The following SNX29 variants were observed in gnomAD, a reference collection of about 807,000 sequenced individuals.
SNX29 encodes sorting nexin 29.
Under a neutral mutation model 102.1 loss-of-function variants are expected in SNX29, and 78 were observed. The ratio of observed to expected loss-of-function variants is 0.76; its 90% CI spans 0.64 to 0.92. The LOEUF (loss-of-function observed/expected upper bound fraction) is 0.92, where lower values mean the gene tolerates loss of function less well. Ranked by LOEUF, SNX29 falls within the 40% of genes least tolerant of loss-of-function variation. The pLI is 0.00. For missense variants in SNX29, 1,280 were observed against 1,061.7 expected (o/e 1.21, Z -2.86); for synonymous variants, 580 against 414.5 (o/e 1.40, Z -4.85).
intron 15 of SNX29, among the ~76,000 whole-genome samples, chr16:12,320,614 A>G (rs997867299): frequency 6.6e-6 from 1 of 152,130 alleles, no homozygotes; most frequent in African/African-American, 2.4e-5. Flanking sequence ...TCCCTTCTAG[A>G]ATGTTCTGAA....
chr16:12,199,772 C>A (rs574291349), intron 14 of SNX29, 89 bp downstream of exon 14: 3 of 1,081,036 alleles, frequency 2.8e-6, no homozygotes, highest in Non-Finnish European at 4.1e-6. Context: ...CAATGTGTGA[C>A]GAGTGCATAT....
chr16:12,393,254 C>T (rs531487265), intron 16 of SNX29, among the ~76,000 whole-genome samples: 2 of 152,294 alleles, frequency 1.3e-5, no homozygotes, highest in Admixed American at 1.3e-4. Context: ...AAATAAGATT[C>T]TCTTTCTTTG....
intron 15 of SNX29, among the ~76,000 whole-genome samples, chr16:12,303,859 A>G (rs1445567672): frequency 6.6e-6 from 1 of 152,164 alleles, no homozygotes; most frequent in Non-Finnish European, 1.5e-5. Flanking sequence ...AGTCCTTGAG[A>G]ATGACGTGCA....
intron 18 of SNX29, chr16:12,443,183 T>G (rs1314444742): frequency 5.4e-6 from 2 of 368,304 alleles, no homozygotes; most frequent in Non-Finnish European, 1.1e-5. Flanking sequence ...CTCCTTCCTA[T>G]GGAAGCTGCT....
chr16:12,046,431 G>A lies in SNX29; in HGVS notation c.476G>A (p.Ser159Asn), dbSNP rs757429930. 3 of 1,613,878 alleles carry A rather than the reference G, an allele frequency of 1.9e-6. No individual in the cohort carries two copies. The highest frequency in any genetic ancestry group is 1.7e-5 in the Admixed American group (1 of 60,026). The change falls in exon 6 of 21, where the codon AGT becomes AAT. Residue 159 changes from serine (S) to asparagine (N), a missense_variant. Ser to Asn is a conservative substitution (Grantham distance 46, BLOSUM62 1). Coordinates refer to ENST00000566228, the MANE Select transcript of SNX29 (RefSeq NM_032167.5). Reference protein sequence around the residue: ...WSFVMDEERSSMLPTMAAGLN... With the variant: ...WSFVMDEERSNMLPTMAAGLN... ...TTTGTGATGGATGAAGAAAGGTCCAGTATGCTTCCTACCATGGCAGCAGGT... is the reference window on the plus strand; with the variant it reads ...TTTGTGATGGATGAAGAAAGGTCCAATATGCTTCCTACCATGGCAGCAGGT...
At chr16:12,375,284 C>G (rs2082831497) in intron 16 of SNX29, 1 of 152,160 alleles carries the variant, frequency 6.6e-6, no homozygotes, top group African/African-American at 2.4e-5. Flanking sequence ...GCAGAAATAG[C>G]TAAATGAAAC....
At chr16:12,048,228 A>T in intron 6 of SNX29, 144 bp from the exon 7 acceptor site, 1 of 1,197,194 alleles carries the variant, frequency 8.4e-7, no homozygotes, top group Non-Finnish European at 1.2e-6. Context: ...GCTCCCTGCA[A>T]CGTCCGCATG....
chr16:12,151,133 A>G (rs989549512), intron 13 of SNX29, among the ~76,000 whole-genome samples: 24 of 152,186 alleles, frequency 1.6e-4, no homozygotes, highest in African/African-American at 5.8e-4. Flanking sequence ...CCCATCCCCC[A>G]GTCTTCGCAG....
chr16:12,421,110 T>A (rs1388840985), intron 18 of SNX29, among the ~76,000 whole-genome samples: 1 of 152,178 alleles, frequency 6.6e-6, no homozygotes, highest in African/African-American at 2.4e-5. Context: ...GTGCCTTGCC[T>A]AAGGTCATAG....
At chr16:12,560,645 A>G (rs1330235670) in intron 20 of SNX29, 4 of 154,546 alleles carry the variant, frequency 2.6e-5, no homozygotes, top group African/African-American at 7.2e-5. Context: ...TTGTGCCACC[A>G]CCTAACTAGC....
chr16:12,304,187 T>G (rs2080268092), intron 15 of SNX29, among the ~76,000 whole-genome samples: 1 of 152,076 alleles, frequency 6.6e-6, no homozygotes, highest in African/African-American at 2.4e-5. Context: ...TTTTGTTTTT[T>G]TTTTTTGCCT....
At chr16:12,479,644 T>C (rs749266837) in intron 19 of SNX29, among the ~76,000 whole-genome samples, 1 of 152,238 alleles carries the variant, frequency 6.6e-6, no homozygotes, top group Admixed American at 6.5e-5. Context: ...GAAAATTATA[T>C]ATTGATTTAA....
intron 20 of SNX29, among the ~76,000 whole-genome samples, chr16:12,541,681 A>G (rs991875101): frequency 6.6e-6 from 1 of 151,752 alleles, no homozygotes; most frequent in African/African-American, 2.4e-5. Flanking sequence ...ACACCCGTTT[A>G]CCACTACCCT....
chr16:12,063,316 C>A (rs1051022970), intron 9 of SNX29, among the ~76,000 whole-genome samples: 4 of 150,638 alleles, frequency 2.7e-5, no homozygotes, highest in Non-Finnish European at 5.9e-5. Context: ...TATGTGGCCT[C>A]CCTCCACTTC....
rs571487385 is a variant in SNX29 at position 12,537,547 on chromosome 16, G to C, written c.2318+12706G>C. 6.6e-5 allele frequency among the ~76,000 whole-genome samples: 10 copies of C among 152,294 alleles called. No individual in the cohort carries two copies. In the South Asian group the frequency reaches 1.7e-3, roughly 25 times the overall value. ...TAAAGGAAATATTACCTACTATGGA[G>C]CTTCTCGAAGGGAAGCAATTTTGAC... On this transcript the variant is annotated intron_variant, in intron 20 of 20. Transcript: ENST00000566228.
At chr16:12,255,015 G>T (rs1461987124) in intron 14 of SNX29, among the ~76,000 whole-genome samples, 1 of 152,188 alleles carries the variant, frequency 6.6e-6, no homozygotes. Flanking sequence ...CCCATCAGCT[G>T]TATTGAAGTA....
intron 14 of SNX29, among the ~76,000 whole-genome samples, chr16:12,244,151 T>C (rs2078193136): frequency 1.3e-5 from 2 of 152,030 alleles, no homozygotes; most frequent in South Asian, 4.2e-4. Context: ...GCTCAGGCGG[T>C]GATGCTCACT....
At chr16:12,203,395 G>A (rs2076965573) in intron 14 of SNX29, among the ~76,000 whole-genome samples, 1 of 152,040 alleles carries the variant, frequency 6.6e-6, no homozygotes, top group Non-Finnish European at 1.5e-5. Flanking sequence ...GTTGTATAGT[G>A]TGGCCCTGAT....
intron 18 of SNX29, among the ~76,000 whole-genome samples, chr16:12,457,671 C>A (rs937356048): frequency 6.6e-6 from 1 of 152,194 alleles, no homozygotes; most frequent in Non-Finnish European, 1.5e-5. Flanking sequence ...TTGGACCAGG[C>A]AAAATGGCAC....
Sources: gnomAD v4.1 joint callset for allele counts (sites outside exome capture counted in the v4.1 genomes callset) on GRCh38, gnomAD v4.1.1 for gene constraint, MANE v1.5 for transcripts, NCBI Gene and HGNC (gene_info 2026-07-23, HGNC 2026-07-21) for gene names.